STK3: variants seen among roughly 807,000 people sequenced by gnomAD.
The protein encoded by STK3 is serine/threonine kinase 3.
In STK3, 41 loss-of-function variants were observed where a neutral mutation model predicts 58.0. The ratio of observed to expected loss-of-function variants is 0.71; its 90% CI spans 0.55 to 0.92. The LOEUF (loss-of-function observed/expected upper bound fraction) is 0.92. STK3 is among the 40% of genes least tolerant of loss of function. The probability of loss-of-function intolerance (pLI) is 0.00; values close to 1 mark genes in which losing one functional copy is unlikely to be tolerated. For missense variants in STK3, 479 were observed against 602.7 expected, an observed-to-expected ratio of 0.79 and a Z score of 2.15; for synonymous variants, 170 against 191.0, an observed-to-expected ratio of 0.89 and a Z score of 0.91.
chr8:98,664,209 T>C (rs1822170544), intron 6 of STK3, among the ~76,000 whole-genome samples: 1 of 152,170 alleles, frequency 6.6e-6, no homozygotes, highest in South Asian at 2.1e-4. Context: ...AGTAGTATTC[T>C]GCTGTGGATT....
intron 10 of STK3, among the ~76,000 whole-genome samples, chr8:98,474,065 A>T (rs1012827030): frequency 6.6e-5 from 10 of 152,116 alleles, no homozygotes; most frequent in Admixed American, 5.9e-4. Flanking sequence ...TGGCTCTTCC[A>T]CCATCCAACT....
Position 98,586,171 on chromosome 8 carries a change from T to A in STK3, c.823-6382A>T, listed in dbSNP as rs1233989639. On this transcript the variant is annotated intron_variant, in intron 7 of 10. Coordinates refer to ENST00000419617, the MANE Select transcript of STK3 (RefSeq NM_006281.4). ...GGTGAGAGAGGGCATCCCTGTCTTGTGCCAGTTTTCAAAGGGAATGCTTCC... is the reference window on the plus strand; with the variant it reads ...GGTGAGAGAGGGCATCCCTGTCTTGAGCCAGTTTTCAAAGGGAATGCTTCC... Among the ~76,000 whole-genome samples the A allele has an allele frequency of 4.0e-5, 6 of 151,300 alleles. No individual in the cohort carries two copies. The East Asian group carries it at 1.2e-3, about 29-fold the overall frequency.
upstream of STK3, among the ~76,000 whole-genome samples, chr8:98,388,929 T>C (rs1197101096): frequency 6.6e-6 from 1 of 152,236 alleles, no homozygotes; most frequent in African/African-American, 2.4e-5. Flanking sequence ...GCCACTTACA[T>C]TACTGAGAAA....
intron 6 of STK3, among the ~76,000 whole-genome samples, chr8:98,681,286 T>G (rs1438731099): frequency 6.6e-6 from 1 of 151,912 alleles, no homozygotes; most frequent in Non-Finnish European, 1.5e-5. Flanking sequence ...CGTGAGCCAC[T>G]GCACCCGGCC....
chr8:98,922,026 C>T (rs986635107), intron 1 of STK3, among the ~76,000 whole-genome samples: 1 of 152,166 alleles, frequency 6.6e-6, no homozygotes, highest in Non-Finnish European at 1.5e-5. Flanking sequence ...CTTTCTCCTT[C>T]TCACTACAGA....
At chr8:98,884,800 G>C (rs1468594987) in intron 1 of STK3, among the ~76,000 whole-genome samples, 2 of 152,132 alleles carry the variant, frequency 1.3e-5, no homozygotes, top group Non-Finnish European at 2.9e-5. Flanking sequence ...ATCATGTCAG[G>C]TTGCTTTGGT....
rs374739035 is a variant in STK3 at position 98,846,856 on chromosome 8, TACAC to T, written c.110+36787_110+36790del. Among the ~76,000 whole-genome samples, 82 of 143,388 alleles carry T rather than the reference TACAC, an allele frequency of 5.7e-4. 1 individual carries two copies. The highest frequency in any genetic ancestry group is 7.3e-3 in the Middle Eastern group (2 of 274). The allele number at this position is 143,388 out of a possible 152,430, so 94.1% of individuals were successfully genotyped here. A position where few individuals can be genotyped will look rare whatever the true frequency, so the allele number is the denominator to read the frequency against. Reference sequence around the variant, plus strand: ...TTCATTCCTAAACTATTCAGGATCCTACACACACACACACACACACACACACACA... The same window carrying T: ...TTCATTCCTAAACTATTCAGGATCCTACACACACACACACACACACACACA... On this transcript the variant is annotated intron_variant, in intron 3 of 12. Coordinates refer to the STK3 transcript ENST00000523601.
chr8:98,871,854 C>T (rs1457843564), intron 3 of STK3, among the ~76,000 whole-genome samples: 3 of 152,078 alleles, frequency 2.0e-5, no homozygotes, highest in Non-Finnish European at 4.4e-5. Context: ...TGCCTGATTG[C>T]CCTGGCCAGA....
chr8:98,727,278 C>T (rs1257929728), intron 4 of STK3, among the ~76,000 whole-genome samples: 6 of 152,154 alleles, frequency 3.9e-5, no homozygotes, highest in Admixed American at 3.9e-4. Flanking sequence ...AAAGATATAA[C>T]CCAGGGAACT....
chr8:98,579,878 A>G, intron 7 of STK3, 89 bp from the exon 8 acceptor site: 7 of 1,173,924 alleles, frequency 6.0e-6, no homozygotes, highest in Non-Finnish European at 8.0e-6. Flanking sequence ...AATGTTAACC[A>G]GGATCACAGG....
intron 10 of STK3, among the ~76,000 whole-genome samples, chr8:98,456,617 TTTC>T (rs370788495): frequency 3.8e-4 from 58 of 152,198 alleles, no homozygotes; most frequent in African/African-American, 1.1e-3. Context: ...TTGGTTTTCT[TTTC>T]TTCTTCTTCT....
intron 1 of STK3, chr8:98,379,236 T>C (rs1017151687): frequency 1.3e-5 from 2 of 152,146 alleles, no homozygotes; most frequent in African/African-American, 4.8e-5. Context: ...TTCGTGAAAA[T>C]ATGTTAAACT....
chr8:98,789,446 A>G (rs547564703), intron 1 of STK3, among the ~76,000 whole-genome samples: 9 of 152,296 alleles, frequency 5.9e-5, no homozygotes, highest in African/African-American at 1.7e-4. Context: ...AAAAAATACA[A>G]AAGATAAATG....
intron 3 of STK3, among the ~76,000 whole-genome samples, chr8:98,846,378 T>C (rs1008010840): frequency 5.9e-5 from 9 of 152,220 alleles, no homozygotes; most frequent in African/African-American, 2.2e-4. Context: ...GTTCAAACCA[T>C]GACACAGGCA....
chr8:98,548,205 G>A (rs1810879548), intron 8 of STK3, 44 bp from the exon 9 acceptor site: 2 of 1,359,910 alleles, frequency 1.5e-6, no homozygotes, highest in African/African-American at 1.5e-5. Context: ...TTCTATGACA[G>A]CTGGATTTCT....
At chr8:98,658,838 G>C (rs780122579) in intron 6 of STK3, among the ~76,000 whole-genome samples, 16 of 151,990 alleles carry the variant, frequency 1.1e-4, no homozygotes, top group Non-Finnish European at 1.9e-4. Context: ...ACATGTCACA[G>C]AGTTAAAAAA....
At chr8:98,773,300 C>T (rs569721449) in intron 2 of STK3, among the ~76,000 whole-genome samples, 37 of 152,242 alleles carry the variant, frequency 2.4e-4, no homozygotes, top group African/African-American at 8.7e-4. Flanking sequence ...ATTTAGCTGC[C>T]ATGTTGTCTG....
intron 4 of STK3, among the ~76,000 whole-genome samples, chr8:98,733,066 G>C (rs1828322702): frequency 6.6e-6 from 1 of 152,136 alleles, no homozygotes; most frequent in South Asian, 2.1e-4. Context: ...GATATTTAGA[G>C]ACAGAAATAA....
At chr8:98,769,911 G>T (rs1296580848) in intron 2 of STK3, among the ~76,000 whole-genome samples, 2 of 152,186 alleles carry the variant, frequency 1.3e-5, no homozygotes, top group African/African-American at 4.8e-5. Context: ...CAGAAACAGG[G>T]TTGAGATTTC....
Sources: gnomAD v4.1 joint callset for allele counts (sites outside exome capture counted in the v4.1 genomes callset) on GRCh38, gnomAD v4.1.1 for gene constraint, MANE v1.5 for transcripts, NCBI Gene and HGNC (gene_info 2026-07-23, HGNC 2026-07-21) for gene names.